The following CSF1R variants were observed in gnomAD, a reference collection of about 807,000 sequenced individuals.
CSF1R encodes macrophage colony-stimulating factor 1 receptor.
A neutral mutation model predicts 110.0 loss-of-function variants in CSF1R; 40 were observed. The ratio of observed to expected loss-of-function variants is 0.36; its 90% CI spans 0.28 to 0.47. The LOEUF (loss-of-function observed/expected upper bound fraction) is 0.47, where lower values mean the gene tolerates loss of function less well. Among genes scored for constraint, CSF1R ranks in the 20% least tolerant of loss-of-function variants. The pLI, the probability that CSF1R is intolerant of heterozygous loss-of-function variation, is 0.99. For synonymous variants in CSF1R, 523 were observed against 503.4 expected (o/e 1.04, Z -0.52); for missense variants, 1,052 against 1,253.0 (o/e 0.84, Z 2.42).
At chr5:150,109,388 C>G (rs994953526) in intron 1 of CSF1R, among the ~76,000 whole-genome samples, 1 of 152,112 alleles carries the variant, frequency 6.6e-6, no homozygotes, top group Non-Finnish European at 1.5e-5. Context: ...CTGGGTTTCC[C>G]GACGGGTGGG....
In CSF1R at chr5:150,061,805, C is replaced by T. The variant is rs1303583848; in HGVS notation, c.1671G>A (p.Glu557=). The T allele has an allele frequency of 5.0e-6, 8 of 1,614,224 alleles. No homozygotes were observed. Among genetic ancestry groups the T allele is most frequent in the Non-Finnish European group, 6.8e-6 (8 of 1,180,036 alleles). The stretch of plus-strand genomic sequence containing the variant: ...GGTCGATGAAAGTATAACTGTTGCC[C>T]TCATAGCTCTCGATGATCTTCCAGC... ...QVRWKIIESY[E]GNSYTFIDPT... Residue 557 remains glutamate, a synonymous_variant, in exon 11 of 21, where the codon GAG becomes GAA. Coordinates refer to ENST00000675795, the MANE Select transcript of CSF1R (RefSeq NM_001288705.3).
rs780547939 is a variant in CSF1R at position 150,080,126 on chromosome 5, T to C, written c.518A>G (p.Gln173Arg). The stretch of plus-strand genomic sequence containing the variant: ...CATCAGGGCACTGCATTGATAGTCC[T>C]GGCTCTGAATGAACTTGGCCCTGTG... ...TIHRAKFIQS[Q>R]DYQCSALMGG... Residue 173 changes from glutamine to arginine, a missense_variant, in exon 3 of 21, where the codon CAG becomes CGG. Gln to Arg is a conservative substitution (Grantham distance 43). Transcript: ENST00000675795. 3.0e-5 allele frequency: 48 copies of C among 1,614,164 alleles called. No homozygotes were observed. Among genetic ancestry groups the C allele is most frequent in the Admixed American group, 6.7e-5 (4 of 60,032 alleles).
chr5:150,113,336 CG>C, exon 1 of CSF1R: 1 of 154,876 alleles, frequency 6.5e-6, no homozygotes, highest in East Asian at 1.9e-4. Context: ...CTCCTCACTT[CG>C]TGCTCTCACG....
intron 5 of CSF1R, among the ~76,000 whole-genome samples, chr5:150,075,309 C>T (rs1443662788): frequency 1.7e-4 from 26 of 152,218 alleles, no homozygotes. Flanking sequence ...CTCTAGTCCA[C>T]CCACCATCAG....
intron 5 of CSF1R, among the ~76,000 whole-genome samples, chr5:150,076,356 ATCTAT>A (rs1758264510): frequency 6.8e-6 from 1 of 147,602 alleles, no homozygotes; most frequent in Non-Finnish European, 1.5e-5. Context: ...CTATCTATCT[ATCTAT>A]CTATCTATCT....
rs1242762283 is a variant in CSF1R at position 150,105,390 on chromosome 5, T to A, written c.-181+7871A>T. Among the ~76,000 whole-genome samples, 1,037 of 126,584 alleles carry A rather than the reference T, an allele frequency of 8.2e-3. 15 individuals are homozygous for A. Among genetic ancestry groups the A allele is most frequent in the African/African-American group, 0.031 (952 of 30,818 alleles). 83.0% of individuals were successfully genotyped at this position (126,584 alleles called of 152,430 possible). A position where few individuals can be genotyped will look rare whatever the true frequency, so the allele number is the denominator to read the frequency against. On this transcript the variant is annotated intron_variant, in intron 1 of 21. Transcript: ENST00000286301. ...TATATATATATATATATATATTTTT[T>A]TTTTTTTAATAGAGGCGGGGTTACC...
intron 1 of CSF1R, among the ~76,000 whole-genome samples, chr5:150,106,667 G>A (rs554996151): frequency 6.6e-6 from 1 of 152,308 alleles, no homozygotes; most frequent in South Asian, 2.1e-4. Flanking sequence ...CCATAGAGCA[G>A]ATCAAGGCCA....
At position 150,080,139 on chromosome 5, in the gene CSF1R, A is replaced by G. The variant is rs1758464271; in HGVS notation, c.505T>C (p.Phe169Leu). 1.2e-6 allele frequency: 2 copies of G among 1,614,132 alleles called. No individual in the cohort carries two copies. The highest frequency in any genetic ancestry group is 1.7e-6 in the Non-Finnish European group (2 of 1,180,042). The change falls in exon 3 of 21, where the codon TTC (phenylalanine) becomes CTC (leucine). Residue 169 changes from phenylalanine (F) to leucine (L), a missense_variant. Phe to Leu is a conservative substitution (Grantham distance 22). Around this residue, in one of 5 missense-constraint regions of CSF1R, gnomAD observed 693 missense variants for 735.4 expected, o/e 0.94. Transcript: ENST00000675795. ...CATTGATAGTCCTGGCTCTGAATGA[A>G]CTTGGCCCTGTGGATGGTGAAGCCA... ...WHGFTIHRAK[F>L]IQSQDYQCSA...
chr5:150,066,551 A>G (rs530778029), intron 10 of CSF1R, among the ~76,000 whole-genome samples: 37 of 152,296 alleles, frequency 2.4e-4, no homozygotes, highest in African/African-American at 8.9e-4. Flanking sequence ...CTGAGGTTAC[A>G]TGGCAAAACA....
Position 150,057,157 on chromosome 5 carries a change from ACT to A in CSF1R, c.2319+128_2319+129del, listed in dbSNP as rs540421657. 1.7e-3 allele frequency: 1,226 copies of A among 715,150 alleles called. 25 individuals carry two copies. The South Asian group carries it at 0.02, about 12-fold the overall frequency. The allele number at this position is 715,150 out of a possible 1,614,324, so 44.3% of individuals were successfully genotyped here. On this transcript the variant is annotated intron_variant, in intron 16 of 20. Transcript: ENST00000675795. ...CATCCTTGCAGCTGCTGCCCAAATGACTCTCTCATACTCTGTCTCCTCCCCTA... is the reference window on the plus strand; with the variant it reads ...CATCCTTGCAGCTGCTGCCCAAATGACTCTCATACTCTGTCTCCTCCCCTA...
chr5:150,110,524 A>G (rs1199567372), intron 1 of CSF1R, among the ~76,000 whole-genome samples: 3 of 152,250 alleles, frequency 2.0e-5, no homozygotes, highest in African/African-American at 7.2e-5. Flanking sequence ...CTCAAAATGA[A>G]TGCATTAATA....
chr5:150,085,288 A>AAAAAAAAAAAAAAAAAAAAAAAC, intron 1 of CSF1R, among the ~76,000 whole-genome samples: 1 of 150,520 alleles, frequency 6.6e-6, no homozygotes, highest in East Asian at 1.9e-4. Flanking sequence ...AAAAAAAAAA[A>AAAAAAAAAAAAAAAAAAAAAAAC]AAAAACCCAA....
intron 12 of CSF1R, 21 bp downstream of exon 12, chr5:150,061,470 T>A: frequency 2.7e-4 from 97 of 365,878 alleles, no homozygotes; most frequent in Non-Finnish European, 3.7e-4. Flanking sequence ...ATCCCTTCCC[T>A]CATCCCCTCC....
intron 4 of CSF1R, among the ~76,000 whole-genome samples, chr5:150,077,677 G>T (rs941760256): frequency 6.6e-5 from 10 of 152,154 alleles, no homozygotes; most frequent in Admixed American, 6.5e-4. Context: ...GAAGGGAGGG[G>T]GCTCTTAGAG....
In CSF1R at chr5:150,099,102, T is replaced by C. The variant is rs371188712; in HGVS notation, c.-180-12495A>G. 3.3e-3 allele frequency among the ~76,000 whole-genome samples: 494 copies of C among 149,994 alleles called. 2 individuals carry two copies. The highest frequency in any genetic ancestry group is 0.012 in the African/African-American group (472 of 40,546). ...TTTTGTATTTTTAGGAGAGACATGT[T>C]TCACCATGTTGGCCAAGCTGATCTC... On this transcript the variant is annotated intron_variant, in intron 1 of 21. Transcript: ENST00000286301.
chr5:150,086,648 T>C (rs1017031139), upstream of CSF1R: 4 of 518,370 alleles, frequency 7.7e-6, no homozygotes, highest in South Asian at 3.0e-5. Flanking sequence ...CTTGGGTCTT[T>C]AAGAAGAAAA....
upstream of CSF1R, among the ~76,000 whole-genome samples, chr5:150,087,568 GTTTA>G (rs1338717563): frequency 1.3e-5 from 2 of 152,114 alleles, no homozygotes; most frequent in Non-Finnish European, 2.9e-5. Flanking sequence ...TACTTACATT[GTTTA>G]TTTATTTTTA....
chr5:150,097,675 A>G (rs1248140172), intron 1 of CSF1R, among the ~76,000 whole-genome samples: 1 of 152,246 alleles, frequency 6.6e-6, no homozygotes, highest in African/African-American at 2.4e-5. Context: ...AAAAACATGA[A>G]ACACTTAGGT....
chr5:150,064,986 G>A (rs539551509), intron 10 of CSF1R, among the ~76,000 whole-genome samples: 3 of 152,278 alleles, frequency 2.0e-5, no homozygotes, highest in South Asian at 2.1e-4. Flanking sequence ...GGGGATGGGC[G>A]AGGCTCCCTG....
Sources: allele counts gnomAD v4.1 joint callset (sites outside exome capture counted in the v4.1 genomes callset), GRCh38; gene constraint gnomAD v4.1.1; regional missense constraint gnomAD v4.1.1; transcripts MANE v1.5; gene names NCBI Gene and HGNC (gene_info 2026-07-23, HGNC 2026-07-21).